The following POU6F2 variants were observed in gnomAD, a reference collection of about 807,000 sequenced individuals.
POU6F2 encodes POU class 6 homeobox 2, also known as POU domain, class 6, transcription factor 2.
In POU6F2, 31 loss-of-function variants were observed where a neutral mutation model predicts 71.3. The observed-to-expected ratio is 0.43, with a 90% CI of 0.33 to 0.59. POU6F2 has a LOEUF of 0.59. Among genes scored for constraint, POU6F2 ranks in the 20% least tolerant of loss-of-function variants. The pLI is 0.04. For missense variants in POU6F2, 783 were observed against 856.8 expected, an observed-to-expected ratio of 0.91 and a Z score of 1.07; for synonymous variants, 347 against 355.7, an observed-to-expected ratio of 0.98 and a Z score of 0.27.
chr7:39,291,123 T>C (rs545083182), intron 4 of POU6F2, among the ~76,000 whole-genome samples: 108 of 152,290 alleles, frequency 7.1e-4, no homozygotes, highest in African/African-American at 2.3e-3. Context: ...AAATTTGGGT[T>C]ACCTCTTCTA....
intron 2 of POU6F2, among the ~76,000 whole-genome samples, chr7:39,095,670 G>T (rs1390671825): frequency 6.6e-6 from 1 of 152,106 alleles, no homozygotes; most frequent in Non-Finnish European, 1.5e-5. Flanking sequence ...AATCTGGCTG[G>T]GTGACAGAAA....
intron 8 of POU6F2, among the ~76,000 whole-genome samples, chr7:39,459,391 A>ACAT (rs1318612139): frequency 6.6e-6 from 1 of 152,214 alleles, no homozygotes. Flanking sequence ...ACAGATATTA[A>ACAT]CATCTTTATT....
chr7:39,016,048 T>G (rs370979932), intron 1 of POU6F2, among the ~76,000 whole-genome samples: 9,641 of 48,876 alleles, frequency 0.2, 2,096 homozygotes, highest in Non-Finnish European at 0.28. Flanking sequence ...TATTATATAT[T>G]ATATATATTA....
At chr7:39,184,266 G>GA (rs753138846) in intron 2 of POU6F2, among the ~76,000 whole-genome samples, 10 of 152,092 alleles carry the variant, frequency 6.6e-5, no homozygotes, top group Admixed American at 6.6e-5. Flanking sequence ...TTCAGGTGCA[G>GA]AAAAAATTGA....
intron 6 of POU6F2, among the ~76,000 whole-genome samples, chr7:39,426,321 G>A (rs1007357520): frequency 6.6e-6 from 1 of 152,158 alleles, no homozygotes; most frequent in African/African-American, 2.4e-5. Flanking sequence ...TGGGCACCAT[G>A]TTTTCTTCCA....
intron 1 of POU6F2, among the ~76,000 whole-genome samples, chr7:39,083,301 A>G (rs1229775968): frequency 6.6e-6 from 1 of 152,200 alleles, no homozygotes; most frequent in African/African-American, 2.4e-5. Context: ...AAATGCTCAG[A>G]TGAGCAGTAC....
intron 5 of POU6F2, among the ~76,000 whole-genome samples, chr7:39,365,787 G>A (rs768416326): frequency 1.3e-5 from 2 of 152,216 alleles, no homozygotes; most frequent in Non-Finnish European, 2.9e-5. Flanking sequence ...GGTGCTAGAG[G>A]TCTGAAGAGA....
At chr7:39,134,832 A>G (rs181246229) in intron 2 of POU6F2, among the ~76,000 whole-genome samples, 20 of 152,290 alleles carry the variant, frequency 1.3e-4, no homozygotes, top group Admixed American at 8.5e-4. Context: ...TGAGTCCTGT[A>G]TTTTTTAAAA....
At chr7:39,266,769 A>ATG (rs772863424) in intron 4 of POU6F2, among the ~76,000 whole-genome samples, 159 of 64,042 alleles carry the variant, frequency 2.5e-3, no homozygotes, top group Non-Finnish European at 4.3e-3. Flanking sequence ...ACATTTTGAT[A>ATG]TATATATGTT....
At chr7:39,284,617 TGGG>T (rs1435532100) in intron 4 of POU6F2, among the ~76,000 whole-genome samples, 1 of 152,202 alleles carries the variant, frequency 6.6e-6, no homozygotes, top group Non-Finnish European at 1.5e-5. Context: ...GCCTTCTGAG[TGGG>T]AGTAAGACAC....
chr7:39,460,809 G>A lies in POU6F2; in HGVS notation c.1658+94G>A. On this transcript the variant is annotated intron_variant, in intron 9 of 9. Coordinates refer to ENST00000518318, the MANE Select transcript of POU6F2 (RefSeq NM_001370959.1). This position sits in a 1 kb window ranked among gnomAD's most constrained non-coding sequence, Gnocchi z 4.4. The stretch of plus-strand genomic sequence containing the variant: ...TTTTCTTCGTCGGGTGGGCAAAGCT[G>A]GAGGGGCAGAGAGTGGGAACAAAGT... 1 of 1,368,538 alleles carries A rather than the reference G, an allele frequency of 7.3e-7. No individual in the cohort carries two copies. 84.8% of individuals were successfully genotyped at this position (1,368,538 alleles called of 1,614,324 possible). A position where few individuals can be genotyped will look rare whatever the true frequency, so the allele number is the denominator to read the frequency against.
intron 1 of POU6F2, among the ~76,000 whole-genome samples, chr7:38,982,120 A>C (rs1372515456): frequency 6.6e-6 from 1 of 152,164 alleles, no homozygotes; most frequent in Admixed American, 6.5e-5. Flanking sequence ...ATTTAGACTG[A>C]TATTCGTGCC....
chr7:39,313,112 T>C (rs1785199176), intron 4 of POU6F2, among the ~76,000 whole-genome samples: 1 of 152,144 alleles, frequency 6.6e-6, no homozygotes, highest in African/African-American at 2.4e-5. Context: ...GTTCTTTCCA[T>C]GGTTTACAAG....
chr7:39,183,367 C>T (rs987573191), intron 2 of POU6F2, among the ~76,000 whole-genome samples: 3 of 152,094 alleles, frequency 2.0e-5, no homozygotes, highest in Non-Finnish European at 2.9e-5. Context: ...AGCATGGCTG[C>T]GGAGGCCTCA....
chr7:39,056,662 C>CTCTGTGTG (rs1554313685), intron 1 of POU6F2, among the ~76,000 whole-genome samples: 27 of 113,424 alleles, frequency 2.4e-4, no homozygotes, highest in East Asian at 1.4e-3. Context: ...CTCTCTCTCT[C>CTCTGTGTG]TGTGTGTGTG....
At chr7:39,030,509 T>TATAG (rs1256777429) in intron 1 of POU6F2, among the ~76,000 whole-genome samples, 1 of 90,408 alleles carries the variant, frequency 1.1e-5, no homozygotes, top group Non-Finnish European at 2.2e-5. Context: ...ACTATATATA[T>TATAG]ATATATATAT....
chr7:39,457,099 G>A (rs1348119296), intron 8 of POU6F2, among the ~76,000 whole-genome samples: 1 of 152,180 alleles, frequency 6.6e-6, no homozygotes, highest in African/African-American at 2.4e-5. Context: ...TCACACATAC[G>A]GATTTAGTTG....
At chr7:39,308,661 C>A (rs1295742060) in intron 4 of POU6F2, among the ~76,000 whole-genome samples, 1 of 152,124 alleles carries the variant, frequency 6.6e-6, no homozygotes, top group Non-Finnish European at 1.5e-5. Context: ...CTCTCTCATA[C>A]CAGGCAGAAG....
chr7:39,231,543 A>G (rs1794574542), intron 4 of POU6F2, among the ~76,000 whole-genome samples: 1 of 152,166 alleles, frequency 6.6e-6, no homozygotes, highest in South Asian at 2.1e-4. Context: ...TGTTCTGATC[A>G]CTTCATTTCC....
Sources: allele counts gnomAD v4.1 joint callset (sites outside exome capture counted in the v4.1 genomes callset), GRCh38; gene constraint gnomAD v4.1.1; non-coding constraint Gnocchi (gnomAD v3.1); transcripts MANE v1.5; gene names NCBI Gene and HGNC (gene_info 2026-07-23, HGNC 2026-07-21).